The following COPZ1 variants were observed in gnomAD, a reference collection of about 807,000 sequenced individuals.
The protein encoded by COPZ1 is coat protein complex I subunit zeta 1, also known as coatomer subunit zeta-1.
In COPZ1, 4 loss-of-function variants were observed where a neutral mutation model predicts 31.7. The observed-to-expected ratio is 0.13, with a 90% CI of 0.06 to 0.29. COPZ1 has a LOEUF of 0.29. Among genes scored for constraint, COPZ1 ranks in the 10% least tolerant of loss-of-function variants. COPZ1 has a pLI of 1.00. For synonymous variants in COPZ1, 74 were observed against 79.0 expected, an observed-to-expected ratio of 0.94 and a Z score of 0.33; for missense variants, 156 against 211.5, an observed-to-expected ratio of 0.74 and a Z score of 1.63.
In COPZ1 at chr12:54,351,270, C is replaced by T. The variant is rs1954143030; in HGVS notation, c.*747C>T. The T allele has an allele frequency of 6.6e-6, 1 of 152,188 alleles. No individual in the cohort carries two copies. The highest frequency in any genetic ancestry group is 2.1e-4 in the South Asian group (1 of 4,824). 9.4% of individuals were successfully genotyped at this position (152,188 alleles called of 1,614,324 possible). ...ACCCTTACTACCTGTGGGATCGTTGCCTGGTTTGTCTTCTCTGTGTCCTGG... is the reference window on the plus strand; with the variant it reads ...ACCCTTACTACCTGTGGGATCGTTGTCTGGTTTGTCTTCTCTGTGTCCTGG... On this transcript the variant is annotated 3_prime_UTR_variant, in exon 9 of 9. Coordinates refer to ENST00000262061, the MANE Select transcript of COPZ1 (RefSeq NM_016057.3).
At chr12:54,346,435 G>C (rs1015855199) in intron 5 of COPZ1, among the ~76,000 whole-genome samples, 3 of 151,816 alleles carry the variant, frequency 2.0e-5, no homozygotes, top group Non-Finnish European at 4.4e-5. Context: ...ACCACGCCTG[G>C]CTAATTTTTG....
rs574994021 is a variant in COPZ1 at position 54,343,150 on chromosome 12, C to T, written c.170-75C>T. ...GGGATTACAGGCATGAGCCACTGCG[C>T]CTGGCTGGTAACTCCTTCTTTCCTA... On this transcript the variant is annotated intron_variant, in intron 3 of 8. Transcript: ENST00000262061. 1.8e-5 allele frequency: 21 copies of T among 1,181,334 alleles called. 1 individual carries two copies. In the African/African-American group the frequency reaches 1.8e-4, roughly 10 times the overall value. The allele number at this position is 1,181,334 out of a possible 1,614,324, so 73.2% of individuals were successfully genotyped here.
At position 54,334,813 on chromosome 12, in the gene COPZ1, G is replaced by C. The variant is rs369516856; in HGVS notation, c.19-5734G>C. On this transcript the variant is annotated intron_variant, in intron 1 of 8. Coordinates refer to ENST00000262061, the MANE Select transcript of COPZ1 (RefSeq NM_016057.3). ...CAGAGCTTGCAGCGAGCCGAGATCA[G>C]ACCACTGCACTTCAGCCTGGGCGAC... is the stretch of plus-strand genomic sequence containing the variant. Among the ~76,000 whole-genome samples the C allele has an allele frequency of 2.5e-3, 380 of 151,788 alleles. 3 individuals carry two copies. The highest frequency in any genetic ancestry group is 9.0e-3 in the African/African-American group (372 of 41,392).
intron 2 of COPZ1, among the ~76,000 whole-genome samples, chr12:54,340,830 G>T (rs1953961183): frequency 6.6e-6 from 1 of 151,924 alleles, no homozygotes; most frequent in African/African-American, 2.4e-5. Context: ...CTCCCAAGTA[G>T]CTGGGATTAC....
At chr12:54,349,940 A>G in intron 8 of COPZ1, 1 of 593,826 alleles carries the variant, frequency 1.7e-6, no homozygotes, top group African/African-American at 1.9e-5. Flanking sequence ...TTTATTCCCC[A>G]GCAGAGGCTT....
At chr12:54,350,322 A>C (rs1200454634) in intron 8 of COPZ1, 154 bp from the exon 9 acceptor site, 5 of 782,090 alleles carry the variant, frequency 6.4e-6, no homozygotes, top group African/African-American at 5.1e-5. Flanking sequence ...CTAGGGCCTT[A>C]GAGAGCTTCT....
At chr12:54,348,744 AT>A (rs1320145557) in intron 7 of COPZ1, among the ~76,000 whole-genome samples, 6 of 152,256 alleles carry the variant, frequency 3.9e-5, no homozygotes, top group African/African-American at 1.2e-4. Flanking sequence ...CTCAAAAAAA[AT>A]AAATAAATAA....
intron 1 of COPZ1, among the ~76,000 whole-genome samples, chr12:54,331,173 C>CTTTTTTT (rs1000222358): frequency 2.5e-4 from 20 of 80,272 alleles, no homozygotes; most frequent in East Asian, 3.9e-4. Flanking sequence ...TTTTCACACT[C>CTTTTTTT]TTTTTTTTTT....
At chr12:54,344,354 C>T (rs966031263) in intron 4 of COPZ1, among the ~76,000 whole-genome samples, 13 of 152,054 alleles carry the variant, frequency 8.5e-5, no homozygotes, top group Non-Finnish European at 1.5e-4. Flanking sequence ...CCGAGGCAGG[C>T]GGATCACGAA....
intron 1 of COPZ1, among the ~76,000 whole-genome samples, chr12:54,339,088 C>T (rs1364995860): frequency 2.0e-5 from 3 of 151,974 alleles, no homozygotes; most frequent in African/African-American, 7.3e-5. Flanking sequence ...AAGCAACAGC[C>T]TTGTCTCAGC....
At position 54,327,279 on chromosome 12, in the gene COPZ1, C is replaced by G. The variant is rs61921438; in HGVS notation, c.18+2098C>G. 2.5e-3 allele frequency among the ~76,000 whole-genome samples: 375 copies of G among 149,850 alleles called. 3 individuals carry two copies. Among genetic ancestry groups the G allele is most frequent in the African/African-American group, 9.0e-3 (365 of 40,760 alleles). Reference sequence around the variant, plus strand: ...GGGATTACAGGTGTGAGTCACTGCACCCCGGCCAGTTAGCAAGTTTTTTTT... The same window carrying G: ...GGGATTACAGGTGTGAGTCACTGCAGCCCGGCCAGTTAGCAAGTTTTTTTT... On this transcript the variant is annotated intron_variant, in intron 1 of 8. Coordinates refer to ENST00000262061, the MANE Select transcript of COPZ1 (RefSeq NM_016057.3).
At chr12:54,346,690 T>G (rs1159378582) in intron 5 of COPZ1, 1 of 700,866 alleles carries the variant, frequency 1.4e-6, no homozygotes, top group East Asian at 2.7e-5. Context: ...ACCCTGTCTC[T>G]GCAAAAAATA....
At chr12:54,335,962 G>A (rs1261031025) in intron 1 of COPZ1, among the ~76,000 whole-genome samples, 1 of 152,174 alleles carries the variant, frequency 6.6e-6, no homozygotes, top group Non-Finnish European at 1.5e-5. Context: ...ACAGGCATGA[G>A]CCACTGCGCC....
At chr12:54,342,165 A>G (rs757108841) in intron 2 of COPZ1, 41 bp from the exon 3 acceptor site, 20 of 1,442,798 alleles carry the variant, frequency 1.4e-5, no homozygotes, top group Non-Finnish European at 1.7e-5. Flanking sequence ...TCTGGCTTCC[A>G]GCTCTAGTGA....
chr12:54,348,640 G>A (rs1207362764), intron 7 of COPZ1, among the ~76,000 whole-genome samples: 1 of 152,144 alleles, frequency 6.6e-6, no homozygotes, highest in East Asian at 1.9e-4. Context: ...AGGAGGCTAA[G>A]GCAGGAGAAT....
At chr12:54,327,631 G>GCTC (rs1451077112) in intron 1 of COPZ1, among the ~76,000 whole-genome samples, 1 of 152,162 alleles carries the variant, frequency 6.6e-6, no homozygotes, top group African/African-American at 2.4e-5. Context: ...GAGTGCAGTG[G>GCTC]CTCATGCCTG....
chr12:54,329,026 C>G (rs1259066524), intron 1 of COPZ1, among the ~76,000 whole-genome samples: 3 of 152,184 alleles, frequency 2.0e-5, no homozygotes, highest in Admixed American at 1.3e-4. Flanking sequence ...TAATCCAGCT[C>G]TAGCTTTCAA....
rs1376284595 is a variant in COPZ1, at chr12:54,345,448, GT to G, written c.262-9del. ...TGAACCTTATCCTTCTGCCTCCTCT[GT>G]TTCCCAACAGCTGATGCTTATGGCT... On this transcript the variant is annotated splice_polypyrimidine_tract_variant and intron_variant, in intron 4 of 8. Transcript: ENST00000262061. The G allele has an allele frequency of 2.5e-6, 4 of 1,611,686 alleles. No homozygotes were observed. Among genetic ancestry groups the G allele is most frequent in the Non-Finnish European group, 3.4e-6 (4 of 1,178,026 alleles).
At chr12:54,342,663 A>G in intron 3 of COPZ1, 1 of 228,914 alleles carries the variant, frequency 4.4e-6, no homozygotes. Flanking sequence ...ACAAGTAGGG[A>G]AATAGGTATA....
Sources: allele counts gnomAD v4.1 joint callset (sites outside exome capture counted in the v4.1 genomes callset), GRCh38; gene constraint gnomAD v4.1.1; transcripts MANE v1.5; gene names NCBI Gene and HGNC (gene_info 2026-07-23, HGNC 2026-07-21).